GOLGA4: variants seen among roughly 807,000 people sequenced by gnomAD.
The protein encoded by GOLGA4 is golgin subfamily A member 4.
In GOLGA4, 169 loss-of-function variants were observed where a neutral mutation model predicts 265.9. That is an observed-to-expected ratio of 0.64 (90% confidence interval 0.56 to 0.72). The LOEUF is 0.72. GOLGA4 is among the 30% of genes least tolerant of loss of function. The probability of loss-of-function intolerance (pLI) is 0.00; values close to 1 mark genes in which losing one functional copy is unlikely to be tolerated. For synonymous variants in GOLGA4, 923 were observed against 855.8 expected (o/e 1.08, Z -1.37); for missense variants, 2,482 against 2,483.4 (o/e 1.00, Z 0.01).
At chr3:37,246,246 G>A (rs1472819655) in intron 1 of GOLGA4, among the ~76,000 whole-genome samples, 2 of 151,158 alleles carry the variant, frequency 1.3e-5, no homozygotes, top group African/African-American at 4.9e-5. Flanking sequence ...GGCAGAGGTT[G>A]CAATGAACTG....
chr3:37,277,298 G>A (rs2096822044), intron 2 of GOLGA4, among the ~76,000 whole-genome samples: 2 of 152,130 alleles, frequency 1.3e-5, no homozygotes, highest in Admixed American at 6.6e-5. Flanking sequence ...TAATTTACCT[G>A]TTTGACTTTA....
At chr3:37,360,997 T>A (rs935075738) in intron 22 of GOLGA4, among the ~76,000 whole-genome samples, 1 of 152,150 alleles carries the variant, frequency 6.6e-6, no homozygotes, top group African/African-American at 2.4e-5. Flanking sequence ...TTTCATTACG[T>A]TGTTTAAGTC....
intron 20 of GOLGA4, among the ~76,000 whole-genome samples, chr3:37,346,855 T>G (rs1358227907): frequency 6.6e-6 from 1 of 152,206 alleles, no homozygotes; most frequent in African/African-American, 2.4e-5. Context: ...ATCAGACATA[T>G]GTAAATGACA....
chr3:37,327,924 G>GT, intron 14 of GOLGA4, 99 bp downstream of exon 14: 1 of 973,906 alleles, frequency 1.0e-6, no homozygotes, highest in Non-Finnish European at 1.5e-6. Flanking sequence ...ATTTGGATAA[G>GT]TTTCACCAAC....
At chr3:37,337,241 C>T in intron 18 of GOLGA4, 78 bp downstream of exon 18, 1 of 801,166 alleles carries the variant, frequency 1.2e-6, no homozygotes, top group South Asian at 1.6e-5. Context: ...AGGCTGTTGC[C>T]CAGGCTGGAG....
intron 17 of GOLGA4, among the ~76,000 whole-genome samples, chr3:37,336,695 C>G (rs528354025): frequency 1.3e-5 from 2 of 151,982 alleles, no homozygotes; most frequent in African/African-American, 4.8e-5. Context: ...CGCTTGAACC[C>G]GGGAAGGAGG....
At position 37,324,355 on chromosome 3, in the gene GOLGA4, A is replaced by G. The variant is rs542242959; in HGVS notation, c.2469A>G (p.Gln823=). 3.5e-5 allele frequency: 57 copies of G among 1,614,214 alleles called. No homozygotes were observed. In the South Asian group the frequency reaches 4.7e-4, roughly 13 times the overall value. The change falls in exon 14 of 24, where the codon CAA becomes CAG. Residue 823 remains glutamine, a synonymous_variant. Coordinates refer to ENST00000361924, the MANE Select transcript of GOLGA4 (RefSeq NM_002078.5). ...QTKAYEEQLA[Q]LQQKLLDLET... ...AAGCATATGAGGAACAGTTGGCCCA[A>G]TTGCAGCAGAAGTTGTTGGATTTGG... is the stretch of plus-strand genomic sequence containing the variant.
chr3:37,247,548 C>T (rs1321774965), intron 1 of GOLGA4, among the ~76,000 whole-genome samples: 1 of 152,144 alleles, frequency 6.6e-6, no homozygotes, highest in Admixed American at 6.5e-5. Flanking sequence ...AGGCTTATTC[C>T]TAAGGATGAC....
At position 37,275,234 on chromosome 3, in the gene GOLGA4, A is replaced by AT. The variant is rs1485259335; in HGVS notation, c.163-6724_163-6723insT. On this transcript the variant is annotated intron_variant, in intron 2 of 23. Transcript: ENST00000361924. ...CCGTCTCAAAAAAAAAAAAAAAAAA[A>AT]AAAAAAAGAAAAAAAAAACCCCAAA... Among the ~76,000 whole-genome samples, 79 of 150,538 alleles carry AT rather than the reference A, an allele frequency of 5.2e-4. 1 individual carries two copies. Among genetic ancestry groups the AT allele is most frequent in the African/African-American group, 1.9e-3 (79 of 41,124 alleles).
chr3:37,329,143 A>G (rs1369179006), intron 16 of GOLGA4, 50 bp downstream of exon 16: 1 of 1,450,474 alleles, frequency 6.9e-7, no homozygotes, highest in Non-Finnish European at 9.3e-7. Flanking sequence ...GCTGTAATAG[A>G]TTTCATGGTA....
Position 37,324,264 on chromosome 3 carries a change from T to G in GOLGA4, c.2378T>G (p.Leu793Arg), listed in dbSNP as rs1161134086. Residue 793 changes from leucine to arginine, a missense_variant, in exon 14 of 24, where the codon CTC becomes CGC. Around this residue, in one of 3 missense-constraint regions of GOLGA4, gnomAD observed 1,536 missense variants for 1,483.7 expected, o/e 1.04. Transcript: ENST00000361924. ...GATATTAAAAGGTCTGAAGGGGAAC[T>G]CCAGCAGGCATCTGCTAAGCTGGAC... is the stretch of plus-strand genomic sequence containing the variant. ...EADIKRSEGE[L>R]QQASAKLDVF... is the part of the protein sequence containing the mutation. The G allele has an allele frequency of 6.2e-7, 1 of 1,614,002 alleles. No individual in the cohort carries two copies.
intron 17 of GOLGA4, among the ~76,000 whole-genome samples, chr3:37,336,398 T>C (rs2151002945): frequency 6.6e-6 from 1 of 152,174 alleles, no homozygotes; most frequent in South Asian, 2.1e-4. Flanking sequence ...TGCCATAGAA[T>C]ATTGAAACAT....
intron 2 of GOLGA4, among the ~76,000 whole-genome samples, chr3:37,260,984 T>C (rs2096768234): frequency 6.8e-6 from 1 of 146,124 alleles, no homozygotes; most frequent in Non-Finnish European, 1.5e-5. Flanking sequence ...GTGGGCAACA[T>C]AGTGAGACCC....
At position 37,337,173 on chromosome 3, in the gene GOLGA4, G is replaced by A; in HGVS notation, c.6327+10G>A. The A allele has an allele frequency of 7.4e-7, 1 of 1,349,112 alleles. No individual in the cohort carries two copies. The highest frequency in any genetic ancestry group is 1.0e-6 in the Non-Finnish European group (1 of 969,700). The allele number at this position is 1,349,112 out of a possible 1,614,324, so 83.6% of individuals were successfully genotyped here. ...AATTATGGAGCTACAGGTAAGGCTA[G>A]TTCTTCTTTTTTTTTTTTTCTTTTT... On this transcript the variant is annotated intron_variant, in intron 18 of 23. Transcript: ENST00000361924.
chr3:37,327,960 A>G, intron 14 of GOLGA4, 135 bp downstream of exon 14: 1 of 670,528 alleles, frequency 1.5e-6, no homozygotes, highest in Non-Finnish European at 2.4e-6. Context: ...TAAATCCAAT[A>G]TGTTAAATAT....
At chr3:37,343,710 G>A (rs750083829) in intron 20 of GOLGA4, among the ~76,000 whole-genome samples, 19 of 152,214 alleles carry the variant, frequency 1.2e-4, no homozygotes, top group Non-Finnish European at 2.6e-4. Flanking sequence ...TCTCCCTGGA[G>A]TCCTCTGTTC....
intron 10 of GOLGA4, among the ~76,000 whole-genome samples, chr3:37,303,353 A>G (rs897181586): frequency 6.6e-6 from 1 of 152,198 alleles, no homozygotes; most frequent in Non-Finnish European, 1.5e-5. Context: ...CCTTGCTAGG[A>G]TGGTGGTTCT....
intron 11 of GOLGA4, among the ~76,000 whole-genome samples, chr3:37,318,560 G>GTT (rs397948246): frequency 1.3e-4 from 19 of 149,630 alleles, no homozygotes; most frequent in Middle Eastern, 3.5e-3. Context: ...CCCCCATTCT[G>GTT]TTTTTTTTTA....
intron 1 of GOLGA4, among the ~76,000 whole-genome samples, chr3:37,249,362 T>G (rs2096727849): frequency 6.6e-6 from 1 of 152,236 alleles, no homozygotes; most frequent in African/African-American, 2.4e-5. Context: ...TTTCTAGACA[T>G]TTAAACCATT....
Sources: gnomAD v4.1 joint callset for allele counts (sites outside exome capture counted in the v4.1 genomes callset) on GRCh38, gnomAD v4.1.1 for gene constraint, gnomAD v4.1.1 regional missense constraint, MANE v1.5 for transcripts, NCBI Gene and HGNC (gene_info 2026-07-23, HGNC 2026-07-21) for gene names.